DOP1A: variants seen among roughly 807,000 people sequenced by gnomAD.
The protein encoded by DOP1A is DOP1 leucine zipper like protein A, also known as protein DOP1A.
Under a neutral mutation model 267.6 loss-of-function variants are expected in DOP1A, and 90 were observed. That is an observed-to-expected ratio of 0.34 (90% CI 0.28 to 0.40). The LOEUF (loss-of-function observed/expected upper bound fraction) is 0.40, where lower values mean the gene tolerates loss of function less well. Ranked by LOEUF, DOP1A falls within the 10% of genes least tolerant of loss-of-function variation. The probability of loss-of-function intolerance (pLI) is 1.00; values close to 1 mark genes in which losing one functional copy is unlikely to be tolerated. For missense variants in DOP1A, 2,437 were observed against 2,900.4 expected (o/e 0.84, Z 3.67); for synonymous variants, 932 against 999.1 (o/e 0.93, Z 1.27).
intron 38 of DOP1A, chr6:83,167,520 GA>G: frequency 9.8e-7 from 1 of 1,018,416 alleles, no homozygotes; most frequent in Non-Finnish European, 1.2e-6. Flanking sequence ...TTACAGTAGT[GA>G]GGGTTCAGAA....
chr6:83,069,351 G>A (rs1377468719), intron 1 of DOP1A, among the ~76,000 whole-genome samples: 1 of 152,132 alleles, frequency 6.6e-6, no homozygotes, highest in Non-Finnish European at 1.5e-5. Flanking sequence ...ATAAAGGCAG[G>A]ACTCTTCAAA....
intron 3 of DOP1A, 109 bp downstream of exon 3, chr6:83,097,224 C>G: frequency 1.6e-6 from 2 of 1,222,406 alleles, no homozygotes; most frequent in Non-Finnish European, 2.3e-6. Context: ...CATAAATGAA[C>G]CTTAGATTAC....
In DOP1A at chr6:83,125,608, T is replaced by A; in HGVS notation, c.1594T>A (p.Ser532Thr). The change falls in exon 15 of 39, where the codon TCT (serine) becomes ACT (threonine). Residue 532 changes from serine to threonine, a missense_variant. Transcript: ENST00000349129. The part of the protein sequence containing the change: ...QTLHLSELTD[S>T]LRLCSKILSK... ...ATTGCACTTATCTGAACTCACAGAT[T>A]CTCTCAGACTCTGCTCAAAGATCCT... The A allele has an allele frequency of 6.2e-7, 1 of 1,613,882 alleles. No homozygotes were observed. Among genetic ancestry groups the A allele is most frequent in the Non-Finnish European group, 8.5e-7 (1 of 1,179,816 alleles).
intron 1 of DOP1A, among the ~76,000 whole-genome samples, chr6:83,075,318 T>A (rs1766889768): frequency 6.6e-6 from 1 of 152,176 alleles, no homozygotes; most frequent in South Asian, 2.1e-4. Flanking sequence ...AGATGAGGTC[T>A]CTCTGTTATA....
chr6:83,108,053 T>A (rs1312154390), intron 4 of DOP1A, among the ~76,000 whole-genome samples: 1 of 152,218 alleles, frequency 6.6e-6, no homozygotes, highest in Non-Finnish European at 1.5e-5. Context: ...AAGAGCAAGA[T>A]ATGATAGCAG....
chr6:83,114,798 A>G (rs1042577535), intron 7 of DOP1A, among the ~76,000 whole-genome samples: 1 of 152,192 alleles, frequency 6.6e-6, no homozygotes, highest in African/African-American at 2.4e-5. Flanking sequence ...CTTATATTCT[A>G]TAATATGTAT....
intron 24 of DOP1A, among the ~76,000 whole-genome samples, chr6:83,142,734 T>G (rs1272748308): frequency 6.6e-6 from 1 of 152,106 alleles, no homozygotes; most frequent in Non-Finnish European, 1.5e-5. Flanking sequence ...AGTTCTTGTT[T>G]CTAAATATAA....
intron 1 of DOP1A, among the ~76,000 whole-genome samples, chr6:83,094,069 C>T (rs1020920049): frequency 6.6e-6 from 1 of 152,154 alleles, no homozygotes; most frequent in Non-Finnish European, 1.5e-5. Context: ...CCACCAATTC[C>T]TCTTTTCCTC....
downstream of DOP1A, chr6:83,169,597 T>G: frequency 2.1e-6 from 1 of 465,318 alleles, no homozygotes; most frequent in Non-Finnish European, 4.0e-6. Flanking sequence ...AAAAATTCAA[T>G]AAAACTTTAA....
intron 4 of DOP1A, among the ~76,000 whole-genome samples, chr6:83,106,914 A>G (rs1204182118): frequency 6.6e-6 from 1 of 152,154 alleles, no homozygotes; most frequent in Non-Finnish European, 1.5e-5. Context: ...GGTTAATAGT[A>G]TCACATGTTA....
chr6:83,137,083 T>G, intron 20 of DOP1A, 90 bp from the exon 21 acceptor site: 1 of 1,207,672 alleles, frequency 8.3e-7, no homozygotes, highest in Non-Finnish European at 1.1e-6. Flanking sequence ...CACTAATGAT[T>G]AAAAATTTTG....
Position 83,137,377 on chromosome 6 carries a change from G to A in DOP1A, c.3335G>A (p.Gly1112Glu). Residue 1112 changes from glycine to glutamate, a missense_variant, in exon 21 of 39, where the codon GGA becomes GAA. Gly to Glu is a moderately conservative substitution (Grantham distance 98, BLOSUM62 -2). This residue lies in a region of DOP1A where 878 missense variants were observed against 992.9 expected (regional missense o/e 0.88). Transcript: ENST00000349129. ...GAAATACTTCAGAGTTCTGACTCGG[G>A]ATGTTCACAGTCCTCTGCTGGGGAC... ...QIEILQSSDS[G>E]CSQSSAGDNL... 6.2e-7 allele frequency: 1 copy of A among 1,613,826 alleles called. No individual in the cohort carries two copies. The highest frequency in any genetic ancestry group is 1.3e-5 in the African/African-American group (1 of 75,022).
rs765105950 is a variant in DOP1A at position 83,113,437 on chromosome 6, C to T, written c.780+16C>T. 3.9e-5 allele frequency: 62 copies of T among 1,597,876 alleles called. No homozygotes were observed. Among genetic ancestry groups the T allele is most frequent in the Non-Finnish European group, 4.6e-5 (54 of 1,166,138 alleles). ...CATGAGTCAGGTAAAATATTAACGC[C>T]GATGTTATTATAAGGCATTCTTGGA... On this transcript the variant is annotated intron_variant, in intron 7 of 38. Coordinates refer to ENST00000349129, the MANE Select transcript of DOP1A (RefSeq NM_015018.4).
intron 24 of DOP1A, among the ~76,000 whole-genome samples, chr6:83,143,718 C>A (rs115795877): frequency 6.6e-6 from 1 of 151,696 alleles, no homozygotes. Flanking sequence ...TTTAAAGATA[C>A]GGAAAATACG....
chr6:83,169,928 G>C (rs1786741100), downstream of DOP1A: 1 of 389,958 alleles, frequency 2.6e-6, no homozygotes, highest in Non-Finnish European at 4.9e-6. Flanking sequence ...GCTATCAGTT[G>C]ACTTAGAAAT....
In DOP1A at chr6:83,069,145, C is replaced by T. The variant is rs553649134; in HGVS notation, c.-147+1366C>T. On this transcript the variant is annotated intron_variant, in intron 1 of 38. Transcript: ENST00000349129. ...TAGATTCAAGTGCTTTAATCTGCTA[C>T]TAACCAGGTGTGATCTCCAGGCTTC... 9.8e-5 allele frequency among the ~76,000 whole-genome samples: 15 copies of T among 152,322 alleles called. No homozygotes were observed. The East Asian group carries it at 2.9e-3, about 29-fold the overall frequency.
At chr6:83,160,257 A>G (rs1783920626) in intron 37 of DOP1A, among the ~76,000 whole-genome samples, 1 of 152,190 alleles carries the variant, frequency 6.6e-6, no homozygotes, top group South Asian at 2.1e-4. Context: ...CTCATGCACA[A>G]GACACACTGA....
Position 83,137,643 on chromosome 6 carries a change from A to G in DOP1A, c.3601A>G (p.Ile1201Val), listed in dbSNP as rs1364351555. The G allele has an allele frequency of 5.0e-6, 8 of 1,613,718 alleles. No homozygotes were observed. Among genetic ancestry groups the G allele is most frequent in the South Asian group, 1.1e-5 (1 of 91,082 alleles). Residue 1201 changes from isoleucine (I) to valine (V), a missense_variant, in exon 21 of 39, where the codon ATT becomes GTT. By Grantham distance (29) the Ile-to-Val change is conservative. Coordinates refer to ENST00000349129, the MANE Select transcript of DOP1A (RefSeq NM_015018.4). ...GACGATTAAAATTGAAGATGACTCC[A>G]TTCAACAGAGTCAGAATGCTTTGCT... ...EETIKIEDDS[I>V]QQSQNALLSN...
chr6:83,141,930 C>A lies in DOP1A; in HGVS notation c.5425C>A (p.Gln1809Lys). The change falls in exon 24 of 39, where the codon CAA becomes AAA. Residue 1809 changes from glutamine (Q) to lysine (K), a missense_variant. By Grantham distance (53) the Gln-to-Lys change is moderately conservative (BLOSUM62 1). Transcript: ENST00000349129. ...CTTCAAATTGTTTTAGAACTTGAGA[C>A]AACAGATTCTTGAATTGTTGGGCCC... is the stretch of plus-strand genomic sequence containing the variant. ...INLGATKNLR[Q>K]QILELLGPIS... 1.3e-6 allele frequency: 2 copies of A among 1,598,256 alleles called. No homozygotes were observed. The highest frequency in any genetic ancestry group is 8.5e-7 in the Non-Finnish European group (1 of 1,175,898).
Sources: allele counts gnomAD v4.1 joint callset (sites outside exome capture counted in the v4.1 genomes callset), GRCh38; gene constraint gnomAD v4.1.1; regional missense constraint gnomAD v4.1.1; transcripts MANE v1.5; gene names NCBI Gene and HGNC (gene_info 2026-07-23, HGNC 2026-07-21).